Variants in CNTNAP2 observed in about 807,000 individuals in gnomAD.
CNTNAP2 encodes contactin associated protein 2.
In CNTNAP2, 98 loss-of-function variants were observed where a neutral mutation model predicts 155.2. That is an observed-to-expected ratio of 0.63 (90% CI 0.54 to 0.75). The LOEUF is 0.75. Ranked by LOEUF, CNTNAP2 falls within the 30% of genes least tolerant of loss-of-function variation. The probability of loss-of-function intolerance (pLI) is 0.00; values close to 1 mark genes in which losing one functional copy is unlikely to be tolerated. For missense variants in CNTNAP2, 1,727 were observed against 1,688.1 expected (o/e 1.02, Z -0.40); for synonymous variants, 651 against 631.2 (o/e 1.03, Z -0.47).
intron 13 of CNTNAP2, among the ~76,000 whole-genome samples, chr7:147,782,675 A>C (rs1052015611): frequency 6.6e-6 from 1 of 152,214 alleles, no homozygotes; most frequent in African/African-American, 2.4e-5. Flanking sequence ...ATACCATTGC[A>C]TTAGGGGTTC....
At chr7:146,525,533 T>TATCTATC (rs1584963620) in intron 1 of CNTNAP2, among the ~76,000 whole-genome samples, 1 of 29,478 alleles carries the variant, frequency 3.4e-5, no homozygotes, top group East Asian at 1.1e-3. Context: ...CTTTTCAGTT[T>TATCTATC]ATCTATCTAT....
chr7:146,388,743 A>T (rs4725691), intron 1 of CNTNAP2, among the ~76,000 whole-genome samples: 33,964 of 151,696 alleles, frequency 0.22, 4,727 homozygotes, highest in Admixed American at 0.39. Flanking sequence ...ACCATCTCTA[A>T]CTCCTCACCA....
At chr7:147,378,815 A>T (rs956651726) in intron 9 of CNTNAP2, among the ~76,000 whole-genome samples, 1 of 152,046 alleles carries the variant, frequency 6.6e-6, no homozygotes, top group Non-Finnish European at 1.5e-5. Flanking sequence ...TAATTCCTGG[A>T]GTATCCATTT....
At chr7:148,060,537 G>C (rs1257929689) in intron 15 of CNTNAP2, among the ~76,000 whole-genome samples, 1 of 152,100 alleles carries the variant, frequency 6.6e-6, no homozygotes, top group Admixed American at 6.6e-5. Flanking sequence ...GAATTTTCCA[G>C]ACAACAAACT....
chr7:147,978,716 A>T (rs1801473612), intron 15 of CNTNAP2, among the ~76,000 whole-genome samples: 1 of 152,136 alleles, frequency 6.6e-6, no homozygotes, highest in South Asian at 2.1e-4. Flanking sequence ...TGCAGCGAGC[A>T]TCCTGGGCAT....
At chr7:147,371,306 T>C (rs1195607811) in intron 9 of CNTNAP2, among the ~76,000 whole-genome samples, 1 of 152,174 alleles carries the variant, frequency 6.6e-6, no homozygotes, top group Non-Finnish European at 1.5e-5. Flanking sequence ...GAGAATGATT[T>C]TCTAAGAAGA....
chr7:148,100,582 T>C (rs1804077322), intron 15 of CNTNAP2, among the ~76,000 whole-genome samples: 1 of 152,262 alleles, frequency 6.6e-6, no homozygotes, highest in Non-Finnish European at 1.5e-5. Flanking sequence ...GGAGCTGTGA[T>C]ATACATTTTA....
chr7:147,589,337 A>G (rs1800695837), intron 12 of CNTNAP2, among the ~76,000 whole-genome samples: 1 of 152,186 alleles, frequency 6.6e-6, no homozygotes, highest in South Asian at 2.1e-4. Context: ...CTTGGGACAG[A>G]CTGTCATTAT....
chr7:147,892,937 T>C lies in CNTNAP2; in HGVS notation c.2099-10628T>C, dbSNP rs187176183. Among the ~76,000 whole-genome samples the C allele has an allele frequency of 2.0e-5, 3 of 152,318 alleles. No individual in the cohort carries two copies. The East Asian group carries it at 5.8e-4, about 29-fold the overall frequency. On this transcript the variant is annotated intron_variant, in intron 13 of 23. Transcript: ENST00000361727. ...CCTAATCAGATGAGTTTAGTGACATTCAATCACAGAAAGATAAAATGCTCA... is the reference window on the plus strand; with the variant it reads ...CCTAATCAGATGAGTTTAGTGACATCCAATCACAGAAAGATAAAATGCTCA...
At chr7:147,702,936 C>T (rs1190784769) in intron 13 of CNTNAP2, among the ~76,000 whole-genome samples, 1 of 152,136 alleles carries the variant, frequency 6.6e-6, no homozygotes, top group African/African-American at 2.4e-5. Context: ...CCCCCTGCCC[C>T]GGTAAAACCA....
chr7:148,395,711 G>A (rs535206998), intron 22 of CNTNAP2, among the ~76,000 whole-genome samples: 3 of 151,972 alleles, frequency 2.0e-5, no homozygotes, highest in South Asian at 4.2e-4. Context: ...CTGTGTAGAC[G>A]GGCTGCTTTC....
At chr7:148,079,784 A>G (rs1218534593) in intron 15 of CNTNAP2, among the ~76,000 whole-genome samples, 1 of 152,158 alleles carries the variant, frequency 6.6e-6, no homozygotes, top group Admixed American at 6.5e-5. Context: ...TAAGATCTCT[A>G]TTAATGTTAA....
chr7:148,224,644 C>T (rs779367433), intron 19 of CNTNAP2, among the ~76,000 whole-genome samples: 2 of 152,114 alleles, frequency 1.3e-5, no homozygotes, highest in African/African-American at 2.4e-5. Flanking sequence ...GGGAAGAAGA[C>T]GGTACAGAAG....
At chr7:147,910,520 G>C (rs1277294390) in intron 14 of CNTNAP2, among the ~76,000 whole-genome samples, 2 of 149,120 alleles carry the variant, frequency 1.3e-5, no homozygotes, top group Non-Finnish European at 2.9e-5. Flanking sequence ...CACCAAGACT[G>C]TATTAGCCTG....
intron 3 of CNTNAP2, among the ~76,000 whole-genome samples, chr7:146,956,655 C>T (rs1165955250): frequency 6.6e-6 from 1 of 152,160 alleles, no homozygotes; most frequent in Non-Finnish European, 1.5e-5. Context: ...CAATTTCCAG[C>T]ACTTTTCTTT....
rs117095633 is a variant in CNTNAP2 at position 146,187,570 on chromosome 7, G to C, written c.97+70597G>C. Among the ~76,000 whole-genome samples the C allele has an allele frequency of 1.1e-4, 17 of 152,086 alleles. 1 individual carries two copies. Among genetic ancestry groups the C allele is most frequent in the Admixed American group, 2.0e-4 (3 of 15,264 alleles). On this transcript the variant is annotated intron_variant, in intron 1 of 23. Transcript: ENST00000361727. ...CTGTGACTTTCCTCTTTCCAAATTT[G>C]ATATGACCTGGCTTAAGTAAGATAT...
intron 1 of CNTNAP2, among the ~76,000 whole-genome samples, chr7:146,714,196 A>C (rs926883696): frequency 6.6e-6 from 1 of 152,080 alleles, no homozygotes; most frequent in Non-Finnish European, 1.5e-5. Flanking sequence ...TCCTTTGTGC[A>C]TTTCTCTTCA....
At chr7:146,602,744 G>A (rs998029553) in intron 1 of CNTNAP2, among the ~76,000 whole-genome samples, 1 of 152,136 alleles carries the variant, frequency 6.6e-6, no homozygotes, top group Non-Finnish European at 1.5e-5. Flanking sequence ...GTTGTGCTAG[G>A]AGTCTCCTTC....
intron 10 of CNTNAP2, among the ~76,000 whole-genome samples, chr7:147,471,074 A>G (rs1798208252): frequency 6.6e-6 from 1 of 152,182 alleles, no homozygotes. Flanking sequence ...ATTAGATTTA[A>G]CAATGTGGAA....
Sources: gnomAD v4.1 joint callset for allele counts (sites outside exome capture counted in the v4.1 genomes callset) on GRCh38, gnomAD v4.1.1 for gene constraint, MANE v1.5 for transcripts, NCBI Gene and HGNC (gene_info 2026-07-23, HGNC 2026-07-21) for gene names.